The following DAB1 variants were observed in gnomAD, a reference collection of about 807,000 sequenced individuals.
DAB1 encodes the protein DAB adaptor protein 1.
A neutral mutation model predicts 64.6 loss-of-function variants in DAB1; 15 were observed. That is an observed-to-expected ratio of 0.23 (90% CI 0.16 to 0.36). The LOEUF is 0.36. Among genes scored for constraint, DAB1 ranks in the 10% least tolerant of loss-of-function variants. The pLI, the probability that DAB1 is intolerant of heterozygous loss-of-function variation, is 1.00. For synonymous variants in DAB1, 235 were observed against 251.9 expected (o/e 0.93, Z 0.64); for missense variants, 596 against 706.7 (o/e 0.84, Z 1.78).
intron 4 of DAB1, among the ~76,000 whole-genome samples, chr1:58,179,804 TTTTG>T (rs1332109636): frequency 6.6e-6 from 1 of 152,100 alleles, no homozygotes; most frequent in African/African-American, 2.4e-5. Flanking sequence ...TTCTCTACTT[TTTTG>T]TTTTTCTGTT....
intron 6 of DAB1, among the ~76,000 whole-genome samples, chr1:57,797,783 A>G (rs1650940592): frequency 2.6e-5 from 4 of 152,220 alleles, no homozygotes; most frequent in Admixed American, 2.6e-4. Context: ...TAAATTTCTC[A>G]TCTGAATTGG....
chr1:57,160,743 T>G (rs1660666035), intron 2 of DAB1, among the ~76,000 whole-genome samples: 1 of 152,186 alleles, frequency 6.6e-6, no homozygotes, highest in Non-Finnish European at 1.5e-5. Flanking sequence ...AGGATCTTCT[T>G]GGTCAAGAGC....
At position 58,518,290 on chromosome 1, in the gene DAB1, GA is replaced by G. The variant is rs1372148936; in HGVS notation, n.107+8970del. Among the ~76,000 whole-genome samples, 19 of 29,088 alleles carry G rather than the reference GA, an allele frequency of 6.5e-4. 1 individual carries two copies. Among genetic ancestry groups the G allele is most frequent in the Middle Eastern group, 0.032 (2 of 62 alleles). 19.1% of individuals were successfully genotyped at this position (29,088 alleles called of 152,430 possible). A position where few individuals can be genotyped will look rare whatever the true frequency, so the allele number is the denominator to read the frequency against. On this transcript the variant is annotated intron_variant and non_coding_transcript_variant, in intron 2 of 20. Transcript: ENST00000485760. Reference sequence around the variant, plus strand: ...GGAGAGAGGAGAGGAGAAGAGAAGAGAAGAGAAGAGAAGAGAAGAGAAGAGA... The same window carrying G: ...GGAGAGAGGAGAGGAGAAGAGAAGAGAGAGAAGAGAAGAGAAGAGAAGAGA...
At chr1:58,257,383 GC>G (rs1294178291) in intron 4 of DAB1, among the ~76,000 whole-genome samples, 11 of 152,200 alleles carry the variant, frequency 7.2e-5, no homozygotes, top group Non-Finnish European at 1.0e-4. Context: ...CTAAAATCCA[GC>G]CTGCTCTCCA....
intron 6 of DAB1, among the ~76,000 whole-genome samples, chr1:57,675,389 T>C (rs148734644): frequency 6.6e-6 from 1 of 152,208 alleles, no homozygotes; most frequent in Non-Finnish European, 1.5e-5. Flanking sequence ...AGAGTCGTGA[T>C]AAAATAAGTG....
chr1:57,365,363 TATATA>T (rs1425368085), intron 1 of DAB1, among the ~76,000 whole-genome samples: 8 of 143,682 alleles, frequency 5.6e-5, no homozygotes, highest in South Asian at 2.1e-4. Flanking sequence ...TTATATATTA[TATATA>T]ATATATTTAT....
intron 4 of DAB1, among the ~76,000 whole-genome samples, chr1:58,223,228 G>A (rs754301858): frequency 3.9e-5 from 6 of 152,106 alleles, no homozygotes; most frequent in African/African-American, 1.4e-4. Context: ...TTTGAACCCC[G>A]AATATCTTAT....
intron 4 of DAB1, among the ~76,000 whole-genome samples, chr1:58,173,698 T>C (rs1025934460): frequency 6.6e-6 from 1 of 152,214 alleles, no homozygotes; most frequent in Non-Finnish European, 1.5e-5. Flanking sequence ...CTTTTTAACA[T>C]ACACAACCAG....
At chr1:58,068,780 A>AC (rs1285072689) in intron 5 of DAB1, among the ~76,000 whole-genome samples, 1 of 137,198 alleles carries the variant, frequency 7.3e-6, no homozygotes. Flanking sequence ...AAAAAAAAAA[A>AC]CCAAAAAAAA....
intron 1 of DAB1, among the ~76,000 whole-genome samples, chr1:57,827,049 A>G (rs988598677): frequency 6.6e-6 from 1 of 152,258 alleles, no homozygotes; most frequent in Non-Finnish European, 1.5e-5. Flanking sequence ...ATGTTATTAC[A>G]TGGCAATGAG....
intron 5 of DAB1, among the ~76,000 whole-genome samples, chr1:57,920,147 G>T (rs772812436): frequency 6.6e-6 from 1 of 152,164 alleles, no homozygotes; most frequent in Non-Finnish European, 1.5e-5. Context: ...TTGTAGAATT[G>T]TAAGTCAGAA....
rs554811104 is a variant in DAB1 at position 57,625,328 on chromosome 1, T to C, written n.625+24264A>G. 2.0e-5 allele frequency among the ~76,000 whole-genome samples: 3 copies of C among 152,262 alleles called. No homozygotes were observed. The East Asian group carries it at 5.8e-4, about 29-fold the overall frequency. ...TGTGTCTCTCTGTATTTCCTCTCTC[T>C]GTTTGTTTGCCTCATGCCCCATCTC... On this transcript the variant is annotated intron_variant and non_coding_transcript_variant, in intron 7 of 20. Coordinates refer to the DAB1 transcript ENST00000485760.
At chr1:57,475,653 A>G (rs571346661) in intron 7 of DAB1, among the ~76,000 whole-genome samples, 1 of 152,288 alleles carries the variant, frequency 6.6e-6, no homozygotes, top group South Asian at 2.1e-4. Context: ...AATAGGTGTT[A>G]TGGGTCCTTA....
chr1:57,939,984 A>C (rs1645079507), intron 5 of DAB1, among the ~76,000 whole-genome samples: 2 of 152,232 alleles, frequency 1.3e-5, no homozygotes, highest in Non-Finnish European at 2.9e-5. Context: ...TGAATCTAAC[A>C]CAACACTATA....
At chr1:57,111,413 TACA>T (rs1438727075) in intron 4 of DAB1, among the ~76,000 whole-genome samples, 2 of 152,192 alleles carry the variant, frequency 1.3e-5, no homozygotes, top group Non-Finnish European at 2.9e-5. Flanking sequence ...CAGCCATTGT[TACA>T]ACATCAGGGC....
intron 5 of DAB1, among the ~76,000 whole-genome samples, chr1:57,966,586 A>C (rs1237800533): frequency 1.3e-5 from 2 of 152,172 alleles, no homozygotes; most frequent in Non-Finnish European, 2.9e-5. Flanking sequence ...TAACCCACAG[A>C]ATCATGAGAA....
At chr1:58,071,188 A>G (rs1287077249) in intron 5 of DAB1, among the ~76,000 whole-genome samples, 3 of 152,168 alleles carry the variant, frequency 2.0e-5, no homozygotes, top group African/African-American at 7.2e-5. Flanking sequence ...CTTTTAAAGA[A>G]TGAAGTTCTT....
chr1:58,319,114 AG>A (rs1385903842), intron 4 of DAB1, among the ~76,000 whole-genome samples: 1 of 151,606 alleles, frequency 6.6e-6, no homozygotes, highest in South Asian at 2.1e-4. Flanking sequence ...TATAGTGGGG[AG>A]TGGTGTGTGG....
At chr1:58,405,918 G>A (rs539029456) in intron 3 of DAB1, among the ~76,000 whole-genome samples, 1 of 152,146 alleles carries the variant, frequency 6.6e-6, no homozygotes, top group Non-Finnish European at 1.5e-5. Context: ...CCGTGTCCCA[G>A]GGAAAGAATA....
Sources: gnomAD v4.1 joint callset for allele counts (sites outside exome capture counted in the v4.1 genomes callset) on GRCh38, gnomAD v4.1.1 for gene constraint, MANE v1.5 for transcripts, NCBI Gene and HGNC (gene_info 2026-07-23, HGNC 2026-07-21) for gene names.